The following KHK variants were observed in gnomAD, a reference collection of about 807,000 sequenced individuals.
The protein encoded by KHK is ketohexokinase.
In KHK, 37 loss-of-function variants were observed where a neutral mutation model predicts 36.0. The ratio of observed to expected loss-of-function variants is 1.03; its 90% CI spans 0.79 to 1.35. KHK has a LOEUF of 1.35. Among genes scored for constraint, KHK ranks in the 40% most tolerant of loss-of-function variants. The probability of loss-of-function intolerance (pLI) is 0.00; values close to 1 mark genes in which losing one functional copy is unlikely to be tolerated. For missense variants in KHK, 395 were observed against 391.9 expected, an observed-to-expected ratio of 1.01 and a Z score of -0.07; for synonymous variants, 161 against 162.8, an observed-to-expected ratio of 0.99 and a Z score of 0.08.
chr2:27,094,749 G>A (rs895977779), intron 2 of KHK, 51 bp from the exon 3 acceptor site: 1 of 1,613,872 alleles, frequency 6.2e-7, no homozygotes, highest in Non-Finnish European at 8.5e-7. Flanking sequence ...CCACTTCCAG[G>A]CTCTAATCTG....
chr2:27,098,573 C>T (rs988379552), intron 5 of KHK, among the ~76,000 whole-genome samples: 3 of 152,002 alleles, frequency 2.0e-5, no homozygotes, highest in African/African-American at 7.2e-5. Context: ...CTGAGCCCCA[C>T]CATCTTGTTT....
At chr2:27,096,289 A>C (rs1670334570) in intron 3 of KHK, among the ~76,000 whole-genome samples, 1 of 152,148 alleles carries the variant, frequency 6.6e-6, no homozygotes, top group Admixed American at 6.5e-5. Flanking sequence ...TGCCATAGGT[A>C]AACCCCAACG....
At chr2:27,099,072 A>T (rs1157476044) in intron 5 of KHK, 124 bp from the exon 6 acceptor site, 23 of 863,996 alleles carry the variant, frequency 2.7e-5, no homozygotes, top group Non-Finnish European at 4.2e-5. Flanking sequence ...GGACAGTGAG[A>T]TGCTACGTTG....
At position 27,092,321 on chromosome 2, in the gene KHK, G is replaced by A. The variant is rs1670059302; in HGVS notation, c.93-11G>A. 2 of 1,607,000 alleles carry A rather than the reference G, an allele frequency of 1.2e-6. No individual in the cohort carries two copies. The highest frequency in any genetic ancestry group is 8.5e-7 in the Non-Finnish European group (1 of 1,175,482). ...TGCTGGGGCTGCAGGGACCCTCCCT[G>A]TGCTTTGCAGGTGTTTGTCCCAGAG... On this transcript the variant is annotated splice_polypyrimidine_tract_variant and intron_variant, in intron 1 of 7. Transcript: ENST00000260598.
rs2148374968 is a variant in KHK, at chr2:27,100,461, CAG to C, written c.*714_*715del. The C allele has an allele frequency of 5.4e-6, 7 of 1,291,034 alleles. No homozygotes were observed. The South Asian group carries it at 7.4e-5, about 14-fold the overall frequency. The allele number at this position is 1,291,034 out of a possible 1,614,324, so 80.0% of individuals were successfully genotyped here. A position where few individuals can be genotyped will look rare whatever the true frequency, so the allele number is the denominator to read the frequency against. ...TCAGCCACAAATGTGACCCAGGATA[CAG>C]AGTGTTGCTGTCCTCAGGGAGGTCC... On this transcript the variant is annotated 3_prime_UTR_variant, in exon 8 of 8. Transcript: ENST00000260598.
chr2:27,100,095 T>G lies in KHK; in HGVS notation c.*345T>G, dbSNP rs1670717818. The G allele has an allele frequency of 3.4e-6, 2 of 588,054 alleles. No homozygotes were observed. The highest frequency in any genetic ancestry group is 1.9e-5 in the African/African-American group (1 of 53,490). The allele number at this position is 588,054 out of a possible 1,614,324, so 36.4% of individuals were successfully genotyped here. ...GCCCAGGCCCAGAGGAGGGGCTGCC[T>G]GGGCTAGAGCAGCGAGAAGTGCCCT... On this transcript the variant is annotated 3_prime_UTR_variant, in exon 8 of 8. Transcript: ENST00000260598.
In KHK at chr2:27,099,525, A is replaced by G. The variant is rs758419401; in HGVS notation, c.759A>G (p.Thr253=). 144 of 1,614,004 alleles carry G rather than the reference A, an allele frequency of 8.9e-5. No individual in the cohort carries two copies. The highest frequency in any genetic ancestry group is 1.8e-4 in the Admixed American group (11 of 60,006). ...DAFPPPRVVD[T]LGAGDTFNAS... ...TCCCGCCACCCCGCGTGGTGGATAC[A>G]CTGGGAGCTGGAGACACCTTCAATG... is the stretch of plus-strand genomic sequence containing the variant. Residue 253 remains threonine, a synonymous_variant, in exon 7 of 8, where the codon ACA becomes ACG. Coordinates refer to ENST00000260598, the MANE Select transcript of KHK (RefSeq NM_006488.3).
chr2:27,089,638 C>A (rs894719973), intron 1 of KHK, among the ~76,000 whole-genome samples: 3 of 152,214 alleles, frequency 2.0e-5, no homozygotes, highest in Non-Finnish European at 4.4e-5. Context: ...ATGCTTCCTG[C>A]ACTCCAGGCC....
chr2:27,087,158 G>A lies in KHK; in HGVS notation c.-102G>A. The A allele has an allele frequency of 1.0e-6, 1 of 999,680 alleles. No homozygotes were observed. The highest frequency in any genetic ancestry group is 1.5e-6 in the Non-Finnish European group (1 of 658,648). 61.9% of individuals were successfully genotyped at this position (999,680 alleles called of 1,614,324 possible). On this transcript the variant is annotated 5_prime_UTR_variant, in exon 1 of 8. Transcript: ENST00000260598. ...GGAGGAGCTCCCACGCGGAGGAGGA[G>A]CCAGGGCAGCTGGGAGCGGGGACAC...
intron 1 of KHK, among the ~76,000 whole-genome samples, chr2:27,091,301 C>T (rs1035436826): frequency 6.6e-6 from 1 of 151,494 alleles, no homozygotes; most frequent in Non-Finnish European, 1.5e-5. Flanking sequence ...GTTGCCCAGG[C>T]TGGTCTCGAA....
At chr2:27,097,879 A>C (rs1477879787) in intron 5 of KHK, among the ~76,000 whole-genome samples, 1 of 152,196 alleles carries the variant, frequency 6.6e-6, no homozygotes, top group Non-Finnish European at 1.5e-5. Flanking sequence ...AGGTGGGTGC[A>C]TAGGTGTAAG....
intron 2 of KHK, chr2:27,094,340 T>C (rs1670191787): frequency 2.0e-6 from 2 of 1,010,236 alleles, no homozygotes; most frequent in Non-Finnish European, 1.5e-6. Flanking sequence ...GTGGCAAGAC[T>C]GTGATTCCCA....
chr2:27,099,034 AAAG>A, intron 5 of KHK, 159 bp from the exon 6 acceptor site: 1 of 735,604 alleles, frequency 1.4e-6, no homozygotes, highest in African/African-American at 1.7e-5. Flanking sequence ...CACAAAAAAT[AAAG>A]AAAAAAGAAA....
At chr2:27,090,278 G>A (rs190764178) in intron 1 of KHK, among the ~76,000 whole-genome samples, 69 of 152,304 alleles carry the variant, frequency 4.5e-4, no homozygotes, top group African/African-American at 1.6e-3. Context: ...TTAAAATACG[G>A]AGTAATTAGC....
chr2:27,098,148 T>C (rs190782162), intron 5 of KHK, among the ~76,000 whole-genome samples: 1 of 152,154 alleles, frequency 6.6e-6, no homozygotes, highest in African/African-American at 2.4e-5. Context: ...CCCAGCATCA[T>C]AGCAGAAGTT....
At chr2:27,094,228 C>T (rs755047444) in intron 2 of KHK, 6 of 558,254 alleles carry the variant, frequency 1.1e-5, no homozygotes, top group South Asian at 3.9e-5. Flanking sequence ...GAGTCAGGAT[C>T]GGAGCATGCT....
intron 4 of KHK, 122 bp downstream of exon 4, chr2:27,096,923 T>G: frequency 1.3e-6 from 1 of 753,216 alleles, no homozygotes; most frequent in Non-Finnish European, 2.4e-6. Context: ...AACCCCCTCA[T>G]TCTCTCTCCA....
rs749795906 is a variant in KHK at position 27,096,843 on chromosome 2, C to T, written c.417+42C>T. ...CTGTGTTTCAAGGGGCTCAACCTGC[C>T]AGCCTCCTCCACATGTTCTGCCTCC... is the stretch of plus-strand genomic sequence containing the variant. On this transcript the variant is annotated intron_variant, in intron 4 of 7. Coordinates refer to ENST00000260598, the MANE Select transcript of KHK (RefSeq NM_006488.3). The T allele has an allele frequency of 5.0e-6, 7 of 1,412,358 alleles. No homozygotes were observed. In the African/African-American group the frequency reaches 9.9e-5, roughly 20 times the overall value. The allele number at this position is 1,412,358 out of a possible 1,614,324, so 87.5% of individuals were successfully genotyped here. A position where few individuals can be genotyped will look rare whatever the true frequency, so the allele number is the denominator to read the frequency against.
Position 27,100,695 on chromosome 2 carries a change from G to A in KHK, c.*945G>A. The A allele has an allele frequency of 9.1e-7, 1 of 1,098,582 alleles. No homozygotes were observed. The highest frequency in any genetic ancestry group is 1.2e-6 in the Non-Finnish European group (1 of 855,730). 68.1% of individuals were successfully genotyped at this position (1,098,582 alleles called of 1,614,324 possible). A position where few individuals can be genotyped will look rare whatever the true frequency, so the allele number is the denominator to read the frequency against. On this transcript the variant is annotated 3_prime_UTR_variant, in exon 8 of 8. Coordinates refer to ENST00000260598, the MANE Select transcript of KHK (RefSeq NM_006488.3). ...TCATCTGTCAAATGGAACCAATTCT[G>A]CTTGGCTACAGAATTATTGTGAGGA...
Sources: gnomAD v4.1 joint callset for allele counts (sites outside exome capture counted in the v4.1 genomes callset) on GRCh38, gnomAD v4.1.1 for gene constraint, MANE v1.5 for transcripts, NCBI Gene and HGNC (gene_info 2026-07-23, HGNC 2026-07-21) for gene names.